Variants in PDGFRL observed in about 807,000 individuals in gnomAD.
PDGFRL encodes platelet-derived growth factor receptor-like protein.
PDGFRL carries 46 observed loss-of-function variants against 37.2 expected under a neutral mutation model. That is an observed-to-expected ratio of 1.24 (90% confidence interval 0.98 to 1.58). The LOEUF (loss-of-function observed/expected upper bound fraction) is 1.58. PDGFRL is among the 40% of genes most tolerant of loss of function. The pLI, the probability that PDGFRL is intolerant of heterozygous loss-of-function variation, is 0.00. For missense variants in PDGFRL, 692 were observed against 467.6 expected (o/e 1.48, Z -4.43); for synonymous variants, 251 against 184.3 (o/e 1.36, Z -2.93).
At chr8:17,605,913 C>T (rs1162016720) in intron 2 of PDGFRL, among the ~76,000 whole-genome samples, 4 of 152,098 alleles carry the variant, frequency 2.6e-5, no homozygotes, top group Admixed American at 6.6e-5. Context: ...GGGAGGGCAT[C>T]GGGCTTTTCA....
At chr8:17,608,098 G>A (rs1804322188) in intron 2 of PDGFRL, among the ~76,000 whole-genome samples, 1 of 152,142 alleles carries the variant, frequency 6.6e-6, no homozygotes, top group African/African-American at 2.4e-5. Flanking sequence ...GGGGCCTCAG[G>A]GGCCTGTCTC....
chr8:17,628,451 G>T, intron 3 of PDGFRL, 36 bp from the exon 4 acceptor site: 1 of 1,572,430 alleles, frequency 6.4e-7, no homozygotes, highest in Non-Finnish European at 8.7e-7. Context: ...TTGCGTCTCC[G>T]GAGTGAATAA....
At position 17,613,153 on chromosome 8, in the gene PDGFRL, T is replaced by G. The variant is rs558960832; in HGVS notation, c.354-7898T>G. Among the ~76,000 whole-genome samples the G allele has an allele frequency of 5.9e-5, 9 of 152,274 alleles. No homozygotes were observed. The South Asian group carries it at 1.7e-3, about 28-fold the overall frequency. On this transcript the variant is annotated intron_variant, in intron 2 of 5. Coordinates refer to ENST00000251630, the MANE Select transcript of PDGFRL (RefSeq NM_001372073.1). The stretch of plus-strand genomic sequence containing the variant: ...GTCATTGCGGTAGCTAACATCTAGG[T>G]AGCAAGGATCTCTTCCTCTGGGTGG...
chr8:17,608,091 G>A (rs75826859), intron 2 of PDGFRL, among the ~76,000 whole-genome samples: 5,340 of 152,188 alleles, frequency 0.035, 311 homozygotes, highest in African/African-American at 0.12. Flanking sequence ...CTGTCCTGGG[G>A]CCTCAGGGGC....
At chr8:17,600,110 A>C (rs2150820507) in intron 2 of PDGFRL, among the ~76,000 whole-genome samples, 1 of 152,142 alleles carries the variant, frequency 6.6e-6, no homozygotes. Context: ...CATTGTATTC[A>C]CTTTTTTTCT....
chr8:17,591,775 G>A (rs1192828577), intron 2 of PDGFRL, among the ~76,000 whole-genome samples: 1 of 152,066 alleles, frequency 6.6e-6, no homozygotes, highest in East Asian at 1.9e-4. Context: ...AAATTAGCTG[G>A]GCGTGGTGCA....
chr8:17,628,155 G>A (rs1000805826), intron 3 of PDGFRL, among the ~76,000 whole-genome samples: 7 of 141,798 alleles, frequency 4.9e-5, no homozygotes, highest in Non-Finnish European at 9.3e-5. Context: ...CACCATGCCC[G>A]GCTCATTTTT....
intron 2 of PDGFRL, among the ~76,000 whole-genome samples, chr8:17,603,342 C>A (rs923195824): frequency 6.6e-6 from 1 of 152,204 alleles, no homozygotes; most frequent in African/African-American, 2.4e-5. Flanking sequence ...TGTACCCACA[C>A]AGGGACAAAT....
chr8:17,610,685 A>G (rs7820928), intron 2 of PDGFRL, among the ~76,000 whole-genome samples: 27,007 of 152,078 alleles, frequency 0.18, 2,506 homozygotes, highest in South Asian at 0.33. Flanking sequence ...CCAAGGTGGC[A>G]GGATCCCTTG....
At chr8:17,589,379 C>G (rs1211224998) in intron 1 of PDGFRL, 89 bp from the exon 2 acceptor site, 1 of 853,648 alleles carries the variant, frequency 1.2e-6, no homozygotes, top group African/African-American at 2.4e-5. Context: ...GAGTAAGAAT[C>G]TGTCTCAAAA....
chr8:17,606,722 A>C (rs1804285642), intron 2 of PDGFRL, among the ~76,000 whole-genome samples: 2 of 152,054 alleles, frequency 1.3e-5, no homozygotes, highest in Admixed American at 1.3e-4. Context: ...GGCAGGTAAT[A>C]ATAGAACGAG....
chr8:17,627,767 C>G (rs551771713), intron 3 of PDGFRL, among the ~76,000 whole-genome samples: 1 of 151,966 alleles, frequency 6.6e-6, no homozygotes, highest in East Asian at 1.9e-4. Flanking sequence ...TGAGCCACCA[C>G]GCCTGGCCAG....
At chr8:17,583,670 G>A (rs2517279) in intron 1 of PDGFRL, among the ~76,000 whole-genome samples, 51,658 of 151,986 alleles carry the variant, frequency 0.34, 9,898 homozygotes, top group East Asian at 0.54. Flanking sequence ...TGTTTGAGTC[G>A]TGGGGGTGGA....
chr8:17,603,946 T>C (rs2517185), intron 2 of PDGFRL, among the ~76,000 whole-genome samples: 142,855 of 152,024 alleles, frequency 0.94, 67,665 homozygotes, highest in East Asian at 1. Flanking sequence ...TGGGAAAGAG[T>C]ATAAAACTTG....
At chr8:17,583,128 G>A (rs1261816159) in intron 1 of PDGFRL, among the ~76,000 whole-genome samples, 1 of 152,174 alleles carries the variant, frequency 6.6e-6, no homozygotes, top group Non-Finnish European at 1.5e-5. Context: ...GAGTGATGGA[G>A]GCTTAGCTTC....
intron 2 of PDGFRL, among the ~76,000 whole-genome samples, chr8:17,595,359 A>T (rs1411438828): frequency 6.6e-6 from 1 of 152,042 alleles, no homozygotes; most frequent in African/African-American, 2.4e-5. Flanking sequence ...GGGCAGGCCC[A>T]GCTCATATCC....
chr8:17,611,110 A>T (rs1223564715), intron 2 of PDGFRL, among the ~76,000 whole-genome samples: 1 of 152,170 alleles, frequency 6.6e-6, no homozygotes, highest in East Asian at 1.9e-4. Context: ...CTCTTTTCTC[A>T]GGAGTCCCCA....
chr8:17,594,740 A>C (rs771319680), intron 2 of PDGFRL, among the ~76,000 whole-genome samples: 5 of 152,058 alleles, frequency 3.3e-5, no homozygotes, highest in Non-Finnish European at 7.4e-5. Flanking sequence ...TTTTTAGTAG[A>C]GACAGGGTTT....
intron 1 of PDGFRL, among the ~76,000 whole-genome samples, chr8:17,584,190 G>T (rs1287466726): frequency 1.3e-5 from 2 of 152,188 alleles, no homozygotes; most frequent in Non-Finnish European, 2.9e-5. Context: ...TTTAAAACAA[G>T]TGCGACTTGG....
Sources: allele counts gnomAD v4.1 joint callset (sites outside exome capture counted in the v4.1 genomes callset), GRCh38; gene constraint gnomAD v4.1.1; transcripts MANE v1.5; gene names NCBI Gene and HGNC (gene_info 2026-07-23, HGNC 2026-07-21).